Variants in ANXA4 observed in about 807,000 individuals in gnomAD.
The protein encoded by ANXA4 is 35-beta calcimedin.
Under a neutral mutation model 49.8 loss-of-function variants are expected in ANXA4, and 39 were observed. The observed-to-expected ratio is 0.78, with a 90% CI of 0.61 to 1.02. The LOEUF (loss-of-function observed/expected upper bound fraction) is 1.02. Ranked by LOEUF, ANXA4 falls within the 50% of genes least tolerant of loss-of-function variation. ANXA4 has a pLI of 0.00. For synonymous variants in ANXA4, 134 were observed against 152.5 expected (o/e 0.88, Z 0.89); for missense variants, 360 against 410.1 (o/e 0.88, Z 1.05).
chr2:69,753,038 T>G (rs1258308792), intron 1 of ANXA4, among the ~76,000 whole-genome samples: 1 of 152,218 alleles, frequency 6.6e-6, no homozygotes, highest in Non-Finnish European at 1.5e-5. Flanking sequence ...TTTAATTTCT[T>G]AGGTGGACGT....
In ANXA4 at chr2:69,819,261, C is replaced by CTT; in HGVS notation, c.725-11_725-10dup. On this transcript the variant is annotated intron_variant, in intron 10 of 12. Transcript: ENST00000394295. ...CTTATCTGTAATCTTTTCATTTCTT[C>CTT]TTTTTTTTTCTTTGACAGTAAAGTG... The CTT allele has an allele frequency of 2.0e-6, 3 of 1,537,836 alleles. No individual in the cohort carries two copies. The highest frequency in any genetic ancestry group is 1.8e-6 in the Non-Finnish European group (2 of 1,127,818).
rs535408696 is a variant in ANXA4, at chr2:69,656,241, G to GTATA, written n.766+2965_766+2968dup. Among the ~76,000 whole-genome samples the GTATA allele has an allele frequency of 1.5e-4, 16 of 110,010 alleles. 1 individual carries two copies. The highest frequency in any genetic ancestry group is 1.2e-3 in the East Asian group (3 of 2,530). The allele number at this position is 110,010 out of a possible 152,430, so 72.2% of individuals were successfully genotyped here. On this transcript the variant is annotated intron_variant and non_coding_transcript_variant, in intron 2 of 3. Coordinates refer to the ANXA4 transcript ENST00000418066. ...TATATGTATATATGTATATATATAC[G>GTATA]TATATATATGTATATACGTATATAT...
In ANXA4 at chr2:69,708,514, G is replaced by C. The variant is rs1573128081; in HGVS notation, n.767-12260G>C. The stretch of plus-strand genomic sequence containing the variant: ...GGAGGCTGAGGTGGGAGGATCACTT[G>C]AGCCTGGGAGAAGAAAGAAAGAGAG... On this transcript the variant is annotated intron_variant and non_coding_transcript_variant, in intron 2 of 3. Transcript: ENST00000418066. Among the ~76,000 whole-genome samples, 3 of 150,360 alleles carry C rather than the reference G, an allele frequency of 2.0e-5. No homozygotes were observed. The South Asian group carries it at 6.2e-4, about 31-fold the overall frequency.
chr2:69,646,611 T>C (rs1676016750), intron 1 of ANXA4, among the ~76,000 whole-genome samples: 1 of 152,208 alleles, frequency 6.6e-6, no homozygotes, highest in South Asian at 2.1e-4. Context: ...ATATGACCGA[T>C]GGAACAGACT....
upstream of ANXA4, among the ~76,000 whole-genome samples, chr2:69,738,643 G>T (rs1266126203): frequency 6.6e-6 from 1 of 152,168 alleles, no homozygotes; most frequent in African/African-American, 2.4e-5. Context: ...GCATAAGAAG[G>T]CTTGTAACTT....
intron 2 of ANXA4, chr2:69,713,713 A>G (rs1678762028): frequency 6.6e-6 from 1 of 152,210 alleles, no homozygotes. Context: ...GGGGTTCCTC[A>G]TCCATCCTTC....
At chr2:69,802,024 G>T (rs1356270860) in intron 3 of ANXA4, among the ~76,000 whole-genome samples, 1 of 152,184 alleles carries the variant, frequency 6.6e-6, no homozygotes, top group Non-Finnish European at 1.5e-5. Flanking sequence ...TATTTCAAGA[G>T]CTGAGTCCAT....
At chr2:69,657,034 A>G (rs1410552767) in intron 2 of ANXA4, among the ~76,000 whole-genome samples, 1 of 143,952 alleles carries the variant, frequency 6.9e-6, no homozygotes, top group Non-Finnish European at 1.5e-5. Flanking sequence ...TCTCTCTGTC[A>G]CCAAGGCTGG....
At chr2:69,714,424 G>A (rs1392337554) in intron 2 of ANXA4, among the ~76,000 whole-genome samples, 3 of 152,210 alleles carry the variant, frequency 2.0e-5, no homozygotes, top group South Asian at 2.1e-4. Flanking sequence ...AACCGAAGCC[G>A]AAGGAAGCCT....
chr2:69,769,075 A>T (rs747449374), intron 1 of ANXA4, among the ~76,000 whole-genome samples: 5 of 152,252 alleles, frequency 3.3e-5, no homozygotes, highest in Non-Finnish European at 7.3e-5. Flanking sequence ...TATATTGGGT[A>T]CTTCATTATA....
chr2:69,752,084 G>A (rs1670867195), intron 1 of ANXA4, among the ~76,000 whole-genome samples: 1 of 152,132 alleles, frequency 6.6e-6, no homozygotes, highest in Non-Finnish European at 1.5e-5. Context: ...GGAGGAGGAA[G>A]GTTTATATTG....
chr2:69,788,513 C>T (rs1672515643), intron 3 of ANXA4, among the ~76,000 whole-genome samples: 1 of 151,690 alleles, frequency 6.6e-6, no homozygotes, highest in Non-Finnish European at 1.5e-5. Context: ...GCACTCCAGC[C>T]TGGGAGACAG....
chr2:69,711,711 T>TATAGTTTTTTATAAA (rs1415647322), intron 2 of ANXA4, among the ~76,000 whole-genome samples: 1 of 152,212 alleles, frequency 6.6e-6, no homozygotes, highest in African/African-American at 2.4e-5. Context: ...GGTTCTGATA[T>TATAGTTTTTTATAAA]ATGGTTTTTT....
At position 69,752,129 on chromosome 2, in the gene ANXA4, T is replaced by G. The variant is rs181253705; in HGVS notation, c.-47+9954T>G. On this transcript the variant is annotated intron_variant, in intron 1 of 12. Transcript: ENST00000394295. ...TGGAGAAGAAGGGCTTATGCACAGT[T>G]GTGGAGATGAGAAAGCTAAGCCAAA... Among the ~76,000 whole-genome samples, 87 of 152,216 alleles carry G rather than the reference T, an allele frequency of 5.7e-4. 1 individual carries two copies. Among genetic ancestry groups the G allele is most frequent in the African/African-American group, 1.8e-3 (75 of 41,528 alleles).
chr2:69,813,514 G>T (rs941535388), intron 8 of ANXA4, among the ~76,000 whole-genome samples: 3 of 152,092 alleles, frequency 2.0e-5, no homozygotes, highest in African/African-American at 7.2e-5. Flanking sequence ...GCCTCCCAAA[G>T]TGCTGGGATT....
chr2:69,772,939 C>T (rs1436629264), intron 1 of ANXA4, among the ~76,000 whole-genome samples: 1 of 151,994 alleles, frequency 6.6e-6, no homozygotes, highest in Non-Finnish European at 1.5e-5. Flanking sequence ...ATCACTTGAA[C>T]CCGGGAGGCG....
chr2:69,716,909 C>G (rs1344230399), intron 2 of ANXA4, among the ~76,000 whole-genome samples: 1 of 152,222 alleles, frequency 6.6e-6, no homozygotes, highest in African/African-American at 2.4e-5. Context: ...ATCAATTCAG[C>G]TGTTTGCTGT....
At chr2:69,775,991 T>TTATTTATA (rs1671949099) in intron 1 of ANXA4, among the ~76,000 whole-genome samples, 1 of 151,952 alleles carries the variant, frequency 6.6e-6, no homozygotes, top group African/African-American at 2.4e-5. Flanking sequence ...ATTTATTTAT[T>TTATTTATA]GAGACAGAGT....
intron 2 of ANXA4, among the ~76,000 whole-genome samples, chr2:69,784,037 C>T (rs1021380779): frequency 1.6e-4 from 24 of 152,106 alleles, no homozygotes; most frequent in Admixed American, 1.6e-3. Context: ...AATGTAATAA[C>T]AATATTTCAT....
Sources: gnomAD v4.1 joint callset for allele counts (sites outside exome capture counted in the v4.1 genomes callset) on GRCh38, gnomAD v4.1.1 for gene constraint, MANE v1.5 for transcripts, NCBI Gene and HGNC (gene_info 2026-07-23, HGNC 2026-07-21) for gene names.